The following ANO3 variants were observed in gnomAD, a reference collection of about 807,000 sequenced individuals.
ANO3 encodes anoctamin-3.
In ANO3, 99 loss-of-function variants were observed where a neutral mutation model predicts 144.8. The observed-to-expected ratio is 0.68, with a 90% CI of 0.58 to 0.81. The LOEUF is 0.81. ANO3 is among the 30% of genes least tolerant of loss of function. ANO3 has a pLI of 0.00. For missense variants in ANO3, 905 were observed against 1,202.2 expected (o/e 0.75, Z 3.66); for synonymous variants, 414 against 392.6 (o/e 1.05, Z -0.64).
chr11:26,276,427 T>C (rs955529045), intron 1 of ANO3, among the ~76,000 whole-genome samples: 1 of 152,172 alleles, frequency 6.6e-6, no homozygotes, highest in African/African-American at 2.4e-5. Context: ...ATTTGATATT[T>C]GTATAACTCT....
At chr11:26,539,182 G>A (rs371667231) in intron 10 of ANO3, among the ~76,000 whole-genome samples, 36 of 150,666 alleles carry the variant, frequency 2.4e-4, no homozygotes, top group Admixed American at 6.0e-4. Flanking sequence ...ACAAGAGTTT[G>A]TCCAAGATAT....
At chr11:26,595,293 A>G (rs1199911002) in intron 14 of ANO3, among the ~76,000 whole-genome samples, 1 of 151,980 alleles carries the variant, frequency 6.6e-6, no homozygotes, top group Non-Finnish European at 1.5e-5. Context: ...AGCATGCCCA[A>G]CATTGCCTTT....
intron 4 of ANO3, among the ~76,000 whole-genome samples, chr11:26,486,175 AT>A (rs1461509070): frequency 6.6e-6 from 1 of 152,096 alleles, no homozygotes; most frequent in Non-Finnish European, 1.5e-5. Flanking sequence ...AGTCTGGCCA[AT>A]ATGGTAAAAC....
At chr11:26,389,782 G>A (rs1224790611) in intron 1 of ANO3, among the ~76,000 whole-genome samples, 1 of 151,876 alleles carries the variant, frequency 6.6e-6, no homozygotes, top group African/African-American at 2.4e-5. Context: ...TTTTCTTTTT[G>A]AATAAAAGAT....
chr11:26,275,265 TACTC>T (rs1339361405), intron 1 of ANO3, among the ~76,000 whole-genome samples: 3 of 152,110 alleles, frequency 2.0e-5, no homozygotes, highest in African/African-American at 7.2e-5. Context: ...AATGTTTTCT[TACTC>T]AATAGGAATG....
intron 1 of ANO3, among the ~76,000 whole-genome samples, chr11:26,372,528 A>G (rs1376745886): frequency 6.6e-6 from 1 of 152,232 alleles, no homozygotes; most frequent in African/African-American, 2.4e-5. Flanking sequence ...TCACTGGATA[A>G]ATTTTCCTAT....
intron 8 of ANO3, among the ~76,000 whole-genome samples, chr11:26,532,757 C>A (rs369252733): frequency 1.3e-4 from 20 of 152,136 alleles, no homozygotes; most frequent in African/African-American, 4.6e-4. Flanking sequence ...TCAGCTCCTA[C>A]TCAAACACCA....
intron 4 of ANO3, among the ~76,000 whole-genome samples, chr11:26,468,730 T>A (rs2134067095): frequency 6.6e-6 from 1 of 152,096 alleles, no homozygotes; most frequent in East Asian, 1.9e-4. Context: ...GTCCAGATAT[T>A]GTGAGATGGT....
At chr11:26,537,665 T>C (rs1384757062) in intron 10 of ANO3, among the ~76,000 whole-genome samples, 5 of 152,154 alleles carry the variant, frequency 3.3e-5, no homozygotes, top group Admixed American at 3.3e-4. Flanking sequence ...TGCCCCATAC[T>C]GGGAATCCCA....
intron 4 of ANO3, among the ~76,000 whole-genome samples, chr11:26,499,778 G>A (rs1389895890): frequency 3.3e-5 from 5 of 151,752 alleles, no homozygotes; most frequent in African/African-American, 1.2e-4. Context: ...AAATGCATTT[G>A]TAATTACGTT....
At chr11:26,248,715 A>G (rs1000371924) in intron 1 of ANO3, among the ~76,000 whole-genome samples, 1 of 152,144 alleles carries the variant, frequency 6.6e-6, no homozygotes, top group Non-Finnish European at 1.5e-5. Flanking sequence ...TGTGGAATAT[A>G]CTGTATTTTT....
intron 5 of ANO3, among the ~76,000 whole-genome samples, chr11:26,515,884 G>A (rs1378403170): frequency 2.0e-5 from 3 of 151,924 alleles, no homozygotes; most frequent in African/African-American, 7.2e-5. Flanking sequence ...TGTTAGAATG[G>A]ACATAAACTT....
At chr11:26,574,036 A>G (rs1448993691) in intron 14 of ANO3, among the ~76,000 whole-genome samples, 1 of 152,174 alleles carries the variant, frequency 6.6e-6, no homozygotes, top group Non-Finnish European at 1.5e-5. Context: ...CTCCAGAGGA[A>G]CTCCACAATG....
At position 26,214,257 on chromosome 11, in the gene ANO3, ATT is replaced by A. The variant is rs34007554; in HGVS notation, c.154+24936_154+24937del. ...ACTGATGAATATAAGTAATAAAATAATTTTTTTTTTCTGTTTTACTTTTGGGA... is the reference window on the plus strand; with the variant it reads ...ACTGATGAATATAAGTAATAAAATAATTTTTTTTCTGTTTTACTTTTGGGA... On this transcript the variant is annotated intron_variant, in intron 1 of 27. Transcript: ENST00000672621. 4.6e-5 allele frequency among the ~76,000 whole-genome samples: 7 copies of A among 150,574 alleles called. No individual in the cohort carries two copies. In the East Asian group the frequency reaches 1.4e-3, roughly 29 times the overall value.
chr11:26,344,833 G>A (rs1173625185), intron 1 of ANO3, among the ~76,000 whole-genome samples: 1 of 152,158 alleles, frequency 6.6e-6, no homozygotes, highest in Non-Finnish European at 1.5e-5. Flanking sequence ...CAGATGTGAA[G>A]AAAGCACCCA....
rs116039502 is a variant in ANO3 at position 26,236,238 on chromosome 11, T to C, written c.154+46908T>C. On this transcript the variant is annotated intron_variant, in intron 1 of 27. Transcript: ENST00000672621. ...ATAAACTTATACATGTACACTTTACTATTGTTAGAGATAAATTCCTAGAAC... is the reference window on the plus strand; with the variant it reads ...ATAAACTTATACATGTACACTTTACCATTGTTAGAGATAAATTCCTAGAAC... 8.5e-3 allele frequency among the ~76,000 whole-genome samples: 1,291 copies of C among 152,280 alleles called. 20 individuals carry two copies. Among genetic ancestry groups the C allele is most frequent in the African/African-American group, 0.03 (1,240 of 41,562 alleles).
At chr11:26,643,841 C>G (rs1052320617) in intron 23 of ANO3, among the ~76,000 whole-genome samples, 1 of 152,176 alleles carries the variant, frequency 6.6e-6, no homozygotes, top group African/African-American at 2.4e-5. Flanking sequence ...GGTGTGAGGA[C>G]ACAGCATTCA....
chr11:26,276,004 CA>C (rs1227970977), intron 1 of ANO3, among the ~76,000 whole-genome samples: 1 of 152,078 alleles, frequency 6.6e-6, no homozygotes, highest in Non-Finnish European at 1.5e-5. Flanking sequence ...GATTAAAATA[CA>C]GTAATATACA....
At chr11:26,609,578 C>G (rs139247970) in intron 17 of ANO3, among the ~76,000 whole-genome samples, 3 of 152,162 alleles carry the variant, frequency 2.0e-5, no homozygotes, top group African/African-American at 4.8e-5. Context: ...CTGCAATCAC[C>G]GCTGCTTCTA....
Sources: gnomAD v4.1 joint callset for allele counts (sites outside exome capture counted in the v4.1 genomes callset) on GRCh38, gnomAD v4.1.1 for gene constraint, MANE v1.5 for transcripts, NCBI Gene and HGNC (gene_info 2026-07-23, HGNC 2026-07-21) for gene names.